Variants in DEPDC7 observed in about 807,000 individuals in gnomAD.
DEPDC7 encodes DEP domain-containing protein 7.
In DEPDC7, 41 loss-of-function variants were observed where a neutral mutation model predicts 56.6. The ratio of observed to expected loss-of-function variants is 0.72; its 90% CI spans 0.56 to 0.94. The LOEUF (loss-of-function observed/expected upper bound fraction) is 0.94. Ranked by LOEUF, DEPDC7 falls within the 40% of genes least tolerant of loss-of-function variation. The pLI is 0.00. For synonymous variants in DEPDC7, 185 were observed against 208.8 expected (o/e 0.89, Z 0.98); for missense variants, 522 against 596.3 (o/e 0.88, Z 1.30).
chr11:33,032,934 A>C lies in DEPDC7; in HGVS notation c.1309A>C (p.Ile437Leu). 1.9e-6 allele frequency: 3 copies of C among 1,604,624 alleles called. No homozygotes were observed. The highest frequency in any genetic ancestry group is 2.6e-6 in the Non-Finnish European group (3 of 1,176,086). ...AATTGTAAGTGTTAAGCTTATGGCC[A>C]TACAGAACGGAAGAGATCCAAATAG... Reference protein sequence around the residue: ...HKIVSVKLMAIQNGRDPNRDA... With the variant: ...HKIVSVKLMALQNGRDPNRDA... Residue 437 changes from isoleucine to leucine, a missense_variant, in exon 8 of 9, where the codon ATA becomes CTA. Physicochemically the swap from Ile to Leu is conservative, Grantham distance 5 (BLOSUM62 2). Coordinates refer to ENST00000241051, the MANE Select transcript of DEPDC7 (RefSeq NM_001077242.2).
At chr11:33,031,709 T>C in intron 5 of DEPDC7, 120 bp downstream of exon 5, 1 of 781,982 alleles carries the variant, frequency 1.3e-6, no homozygotes, top group East Asian at 2.7e-5. Flanking sequence ...GATTAATTCA[T>C]GGAAAGTATG....
At chr11:33,033,235 C>A in intron 8 of DEPDC7, 27 bp from the exon 9 acceptor site, 1 of 1,495,768 alleles carries the variant, frequency 6.7e-7, no homozygotes, top group Non-Finnish European at 9.1e-7. Context: ...GAGTCATTAA[C>A]TGAACTTTTT....
chr11:33,030,308 C>T (rs577391855), intron 4 of DEPDC7, among the ~76,000 whole-genome samples: 18 of 152,170 alleles, frequency 1.2e-4, no homozygotes, highest in Non-Finnish European at 2.2e-4. Context: ...CTAGAAGTGA[C>T]CTTAAAGATC....
chr11:33,021,278 G>T (rs61887015), intron 1 of DEPDC7, among the ~76,000 whole-genome samples: 21,668 of 151,624 alleles, frequency 0.14, 1,946 homozygotes, highest in Middle Eastern at 0.23. Flanking sequence ...AAAAGAAAAT[G>T]CTTGACCAAA....
chr11:33,017,691 T>G (rs1853478503), intron 1 of DEPDC7, among the ~76,000 whole-genome samples: 2 of 152,214 alleles, frequency 1.3e-5, no homozygotes, highest in Admixed American at 1.3e-4. Flanking sequence ...GGTTATTGGT[T>G]CTTTGCCATT....
chr11:33,023,737 G>A (rs1427643764), intron 1 of DEPDC7, among the ~76,000 whole-genome samples: 3 of 152,092 alleles, frequency 2.0e-5, no homozygotes, highest in Non-Finnish European at 2.9e-5. Flanking sequence ...CACCACCTTC[G>A]GCAGGCTGTA....
chr11:33,016,632 G>C (rs372349701), intron 1 of DEPDC7: 1 of 1,595,038 alleles, frequency 6.3e-7, no homozygotes, highest in South Asian at 1.1e-5. Context: ...GTGAATAGAA[G>C]TTTTTGGCTA....
chr11:33,030,523 A>C (rs777320112), intron 4 of DEPDC7, among the ~76,000 whole-genome samples: 13 of 152,178 alleles, frequency 8.5e-5, no homozygotes, highest in Non-Finnish European at 1.9e-4. Context: ...CTTGAAATGT[A>C]ACATTTTTCT....
chr11:33,030,835 C>T (rs1365348810), intron 4 of DEPDC7, among the ~76,000 whole-genome samples: 9 of 152,154 alleles, frequency 5.9e-5, no homozygotes, highest in East Asian at 3.9e-4. Context: ...CCACCTGCCT[C>T]GGCCTCCCAA....
intron 4 of DEPDC7, 76 bp downstream of exon 4, chr11:33,028,868 T>C (rs996163099): frequency 8.7e-7 from 1 of 1,153,502 alleles, no homozygotes; most frequent in Non-Finnish European, 1.2e-6. Flanking sequence ...TAATCTGTTC[T>C]ATTCTTTTTT....
intron 5 of DEPDC7, 64 bp downstream of exon 5, chr11:33,031,653 T>A: frequency 7.5e-7 from 1 of 1,326,428 alleles, no homozygotes; most frequent in Non-Finnish European, 1.1e-6. Flanking sequence ...AAGTTAGTTC[T>A]CAAACTGAAC....
At chr11:33,019,671 AG>A (rs1383524837) in intron 1 of DEPDC7, among the ~76,000 whole-genome samples, 1 of 152,212 alleles carries the variant, frequency 6.6e-6, no homozygotes, top group African/African-American at 2.4e-5. Flanking sequence ...GTCTCAAAAA[AG>A]AAAAAAAAGT....
chr11:33,028,052 A>C (rs942405999), intron 3 of DEPDC7: 4 of 345,310 alleles, frequency 1.2e-5, no homozygotes, highest in African/African-American at 8.5e-5. Flanking sequence ...TTCAGATCTG[A>C]GATGTTTTGC....
chr11:33,027,823 G>C lies in DEPDC7; in HGVS notation c.592+10G>C. 6.5e-7 allele frequency: 1 copy of C among 1,529,718 alleles called. No homozygotes were observed. Among genetic ancestry groups the C allele is most frequent in the Non-Finnish European group, 8.7e-7 (1 of 1,146,828 alleles). 94.8% of individuals were successfully genotyped at this position (1,529,718 alleles called of 1,614,324 possible). ...ACCTTGTCTCCACAAGGTAAGCTAA[G>C]GATGAAGCAAAGTAAGAAGTAGAAG... On this transcript the variant is annotated intron_variant, in intron 3 of 8. Transcript: ENST00000241051.
Position 33,032,668 on chromosome 11 carries a change from A to C in DEPDC7, c.1138A>C (p.Ser380Arg), listed in dbSNP as rs753031194. 1.3e-6 allele frequency: 2 copies of C among 1,565,588 alleles called. No homozygotes were observed. The highest frequency in any genetic ancestry group is 1.7e-6 in the Non-Finnish European group (2 of 1,156,986). Residue 380 changes from serine to arginine, a missense_variant and splice_region_variant, in exon 7 of 9, where the codon AGT (serine) becomes CGT (arginine). Ser to Arg is a moderately radical substitution (Grantham distance 110, BLOSUM62 -1). Coordinates refer to ENST00000241051, the MANE Select transcript of DEPDC7 (RefSeq NM_001077242.2). ...GGATATATTTGTTTTATTTTTATAG[A>C]GTGACAACCGAATGGTTGTGAAAAG... ...NPSEFKLQKE[S>R]DNRMVVKRIF...
chr11:33,033,122 A>G, intron 8 of DEPDC7, 140 bp from the exon 9 acceptor site: 7 of 899,894 alleles, frequency 7.8e-6, no homozygotes, highest in Non-Finnish European at 1.2e-5. Context: ...CAAGTGTTAG[A>G]AAGTCAGCAG....
chr11:33,032,295 T>C (rs372327672), intron 5 of DEPDC7, 41 bp from the exon 6 acceptor site: 7 of 1,530,570 alleles, frequency 4.6e-6, no homozygotes, highest in Non-Finnish European at 5.2e-6. Context: ...AATATAGTCA[T>C]ATTTGGTCAA....
At chr11:33,029,703 A>G (rs778366860) in intron 4 of DEPDC7, among the ~76,000 whole-genome samples, 7 of 152,182 alleles carry the variant, frequency 4.6e-5, no homozygotes, top group Non-Finnish European at 7.4e-5. Flanking sequence ...TTTCTAGCTT[A>G]ATTTTTTATT....
intron 1 of DEPDC7, among the ~76,000 whole-genome samples, chr11:33,024,933 TG>T (rs1202915796): frequency 1.3e-5 from 2 of 152,140 alleles, no homozygotes; most frequent in Non-Finnish European, 2.9e-5. Context: ...ATGTAACCTC[TG>T]TGACTCTGTT....
Sources: allele counts gnomAD v4.1 joint callset (sites outside exome capture counted in the v4.1 genomes callset), GRCh38; gene constraint gnomAD v4.1.1; transcripts MANE v1.5; gene names NCBI Gene and HGNC (gene_info 2026-07-23, HGNC 2026-07-21).